Variants in NPHP3 observed in about 807,000 individuals in gnomAD.
The protein encoded by NPHP3 is nephrocystin 3.
A neutral mutation model predicts 171.9 loss-of-function variants in NPHP3; 123 were observed. The observed-to-expected ratio is 0.72, with a 90% CI of 0.62 to 0.83. The LOEUF is 0.83. Among genes scored for constraint, NPHP3 ranks in the 40% least tolerant of loss-of-function variants. The pLI is 0.00. For missense variants in NPHP3, 1,506 were observed against 1,591.9 expected (o/e 0.95, Z 0.92); for synonymous variants, 558 against 579.2 (o/e 0.96, Z 0.52).
chr3:132,701,435 T>C lies in NPHP3; in HGVS notation c.1623A>G (p.Ser541=). ...TTAATTGCACTGCATCATACCACTTTGATAAAAGAAGAGACTTCCCAGAAC... is the reference window on the plus strand; with the variant it reads ...TTAATTGCACTGCATCATACCACTTCGATAAAAGAAGAGACTTCCCAGAAC... ...GPGSGKSLLL[S]KWIQLQQKNS... The change falls in exon 10 of 27, where the codon TCA becomes TCG. Residue 541 remains serine, a synonymous_variant. Transcript: ENST00000337331. The C allele has an allele frequency of 1.9e-6, 3 of 1,600,118 alleles. No homozygotes were observed. The highest frequency in any genetic ancestry group is 2.6e-6 in the Non-Finnish European group (3 of 1,167,326).
Position 132,699,995 on chromosome 3 carries a change from GAAATT to G in NPHP3, c.1805_1809del (p.Glu602AlafsTer20), listed in dbSNP as rs1450258855. 6.2e-7 allele frequency: 1 copy of G among 1,614,128 alleles called. No homozygotes were observed. Among genetic ancestry groups the G allele is most frequent in the East Asian group, 2.2e-5 (1 of 44,872 alleles). On this transcript the variant is annotated frameshift_variant, in exon 12 of 27. Coordinates refer to ENST00000337331, the MANE Select transcript of NPHP3 (RefSeq NM_153240.5). LOFTEE classifies it high-confidence loss of function. ...GCAGAGAGTTTTTCCAGCCAACGTG[GAAATT>G]CTTCCAGAAGCTTAGCAGGATCCAG...
In NPHP3 at chr3:132,708,087, C is replaced by A; in HGVS notation, c.1275+14G>T. ...CAGCTAAGTGTGTTTTTCAAAAATG[C>A]CTATGAATTTTACCTTGGCTTTGCT... On this transcript the variant is annotated intron_variant, in intron 7 of 26. Transcript: ENST00000337331. The A allele has an allele frequency of 6.2e-7, 1 of 1,613,578 alleles. No individual in the cohort carries two copies. Among genetic ancestry groups the A allele is most frequent in the Non-Finnish European group, 8.5e-7 (1 of 1,179,656 alleles).
chr3:132,722,051 C>A lies in NPHP3; in HGVS notation c.305G>T (p.Arg102Leu), dbSNP rs1940244206. 1 of 1,612,926 alleles carries A rather than the reference C, an allele frequency of 6.2e-7. No individual in the cohort carries two copies. ...ERLRKEYEIF[R>L]VSKNQELLSM... ...CAACAACTCCTGGTTCTTGCTGACGCGAAAGATCTCGTACTCCTTCCTGAG... is the reference window on the plus strand; with the variant it reads ...CAACAACTCCTGGTTCTTGCTGACGAGAAAGATCTCGTACTCCTTCCTGAG... Residue 102 changes from arginine to leucine, a missense_variant, in exon 1 of 27, where the codon CGC becomes CTC. Coordinates refer to ENST00000337331, the MANE Select transcript of NPHP3 (RefSeq NM_153240.5).
chr3:132,692,847 C>A (rs1939334943), intron 16 of NPHP3, 29 bp from the exon 17 acceptor site: 5 of 1,596,172 alleles, frequency 3.1e-6, no homozygotes, highest in Non-Finnish European at 4.3e-6. Flanking sequence ...TAACAGTAAT[C>A]ATAAAGCACC....
At chr3:132,695,029 T>G in intron 15 of NPHP3, 64 bp from the exon 16 acceptor site, 1 of 1,538,478 alleles carries the variant, frequency 6.5e-7, no homozygotes, top group Non-Finnish European at 9.0e-7. Context: ...AATTTTGAGA[T>G]CGATTAAAAA....
At chr3:132,704,101 A>T (rs1939685298) in intron 9 of NPHP3, 97 bp downstream of exon 9, 1 of 1,217,320 alleles carries the variant, frequency 8.2e-7, no homozygotes. Flanking sequence ...CAACTAATAT[A>T]ATCATAAACC....
chr3:132,686,158 T>C, intron 23 of NPHP3, 102 bp downstream of exon 23: 1 of 1,320,172 alleles, frequency 7.6e-7, no homozygotes, highest in Non-Finnish European at 1.1e-6. Flanking sequence ...GCGTGGTTTT[T>C]ATCATTTTTT....
At chr3:132,704,172 G>A (rs1429387599) in intron 9 of NPHP3, 26 bp downstream of exon 9, 1 of 1,606,000 alleles carries the variant, frequency 6.2e-7, no homozygotes, top group Non-Finnish European at 8.5e-7. Flanking sequence ...ACAGATCTTT[G>A]TTGCAATAAT....
chr3:132,715,226 TA>T lies in NPHP3; in HGVS notation c.824-9del. 6.2e-7 allele frequency: 1 copy of T among 1,611,688 alleles called. No homozygotes were observed. The highest frequency in any genetic ancestry group is 8.5e-7 in the Non-Finnish European group (1 of 1,178,244). ...CAGCAATATCCCAGTCATCTGAAAA[TA>T]AAATTTCTCAAGTTCATGAAAAAAT... is the stretch of plus-strand genomic sequence containing the variant. On this transcript the variant is annotated splice_polypyrimidine_tract_variant and intron_variant, in intron 4 of 26. Transcript: ENST00000337331.
chr3:132,699,275 A>C, intron 13 of NPHP3, 78 bp downstream of exon 13: 1 of 969,186 alleles, frequency 1.0e-6, no homozygotes, highest in Non-Finnish European at 1.6e-6. Flanking sequence ...GAAAACCATA[A>C]ATGCATATTA....
In NPHP3 at chr3:132,722,029, C is replaced by T; in HGVS notation, c.327G>A (p.Leu109=). Residue 109 remains leucine (L), a synonymous_variant, in exon 1 of 27, where the codon TTG becomes TTA. Coordinates refer to ENST00000337331, the MANE Select transcript of NPHP3 (RefSeq NM_153240.5). The stretch of plus-strand genomic sequence containing the variant: ...TGGCCTCGCGGCGGCCCATGGACAA[C>T]AACTCCTGGTTCTTGCTGACGCGAA... ...EIFRVSKNQE[L]LSMGRREAKL... 11 of 1,613,272 alleles carry T rather than the reference C, an allele frequency of 6.8e-6. No individual in the cohort carries two copies. Among genetic ancestry groups the T allele is most frequent in the Non-Finnish European group, 9.3e-6 (11 of 1,179,910 alleles).
chr3:132,685,041 A>G (rs1576660730), intron 23 of NPHP3: 1 of 472,808 alleles, frequency 2.1e-6, no homozygotes, highest in Non-Finnish European at 3.8e-6. Context: ...AGAAAAACTG[A>G]TAGATATTTT....
chr3:132,699,112 C>G (rs555312660), intron 13 of NPHP3, among the ~76,000 whole-genome samples: 1 of 152,090 alleles, frequency 6.6e-6, no homozygotes, highest in Non-Finnish European at 1.5e-5. Context: ...AGGCTGGTCT[C>G]AAACTGCTGG....
chr3:132,712,450 A>G (rs1019352416), intron 6 of NPHP3: 2 of 457,006 alleles, frequency 4.4e-6, no homozygotes, highest in Non-Finnish European at 8.8e-6. Context: ...CTTTGCTATT[A>G]TAGTATGAAG....
chr3:132,708,092 G>C lies in NPHP3; in HGVS notation c.1275+9C>G. The C allele has an allele frequency of 6.2e-7, 1 of 1,613,818 alleles. No homozygotes were observed. The highest frequency in any genetic ancestry group is 8.5e-7 in the Non-Finnish European group (1 of 1,179,834). Reference sequence around the variant, plus strand: ...AAGTGTGTTTTTCAAAAATGCCTATGAATTTTACCTTGGCTTTGCTGGTCT... The same window carrying C: ...AAGTGTGTTTTTCAAAAATGCCTATCAATTTTACCTTGGCTTTGCTGGTCT... On this transcript the variant is annotated intron_variant, in intron 7 of 26. Coordinates refer to ENST00000337331, the MANE Select transcript of NPHP3 (RefSeq NM_153240.5).
chr3:132,715,303 A>T lies in NPHP3; in HGVS notation c.824-85T>A, dbSNP rs1485813299. The T allele has an allele frequency of 2.7e-6, 3 of 1,097,302 alleles. No homozygotes were observed. The East Asian group carries it at 7.1e-5, about 26-fold the overall frequency. 68.0% of individuals were successfully genotyped at this position (1,097,302 alleles called of 1,614,324 possible). A position where few individuals can be genotyped will look rare whatever the true frequency, so the allele number is the denominator to read the frequency against. ...AAAAAGTTTTAAAAACATAACAGGCATCATAGAATGGAATCTGATCTTACA... is the reference window on the plus strand; with the variant it reads ...AAAAAGTTTTAAAAACATAACAGGCTTCATAGAATGGAATCTGATCTTACA... On this transcript the variant is annotated intron_variant, in intron 4 of 26. Transcript: ENST00000337331.
chr3:132,713,797 T>C (rs1939976635), intron 5 of NPHP3, among the ~76,000 whole-genome samples: 1 of 152,222 alleles, frequency 6.6e-6, no homozygotes, highest in African/African-American at 2.4e-5. Flanking sequence ...CAAAATGTCG[T>C]TGGGAATAAC....
At position 132,701,477 on chromosome 3, in the gene NPHP3, G is replaced by C. The variant is rs183241346; in HGVS notation, c.1581C>G (p.Leu527=). The part of the protein sequence containing the change: ...VAAPAPIPPL[L]VSGGPGSGKS... The stretch of plus-strand genomic sequence containing the variant: ...TCCCAGAACCTGGTCCTCCAGACAC[G>C]AGAAGAGGTGGAATCGGGGCTGGTG... Residue 527 remains leucine, a synonymous_variant, in exon 10 of 27, where the codon CTC becomes CTG. Transcript: ENST00000337331. The C allele has an allele frequency of 6.2e-7, 1 of 1,613,730 alleles. No homozygotes were observed. The highest frequency in any genetic ancestry group is 1.3e-5 in the African/African-American group (1 of 75,016).
chr3:132,701,364 C>G, intron 10 of NPHP3, 66 bp downstream of exon 10: 3 of 1,124,408 alleles, frequency 2.7e-6, no homozygotes, highest in Non-Finnish European at 4.1e-6. Context: ...GCATGCAATA[C>G]ATTTTGTTGA....
Sources: gnomAD v4.1 joint callset for allele counts (sites outside exome capture counted in the v4.1 genomes callset) on GRCh38, gnomAD v4.1.1 for gene constraint, MANE v1.5 for transcripts, NCBI Gene and HGNC (gene_info 2026-07-23, HGNC 2026-07-21) for gene names.